The following TMF1 variants were observed in gnomAD, a reference collection of about 807,000 sequenced individuals.
TMF1 encodes the protein TATA element modulatory factor 1.
Under a neutral mutation model 126.5 loss-of-function variants are expected in TMF1, and 71 were observed. The observed-to-expected ratio is 0.56, with a 90% CI of 0.46 to 0.68. The LOEUF (loss-of-function observed/expected upper bound fraction) is 0.68, where lower values mean the gene tolerates loss of function less well. Ranked by LOEUF, TMF1 falls within the 30% of genes least tolerant of loss-of-function variation. The probability of loss-of-function intolerance (pLI) is 0.00; values close to 1 mark genes in which losing one functional copy is unlikely to be tolerated. For synonymous variants in TMF1, 461 were observed against 430.5 expected, an observed-to-expected ratio of 1.07 and a Z score of -0.88; for missense variants, 1,259 against 1,253.2, an observed-to-expected ratio of 1.00 and a Z score of -0.07.
chr3:69,032,204 AG>A (rs2091807024), intron 10 of TMF1, among the ~76,000 whole-genome samples: 1 of 152,204 alleles, frequency 6.6e-6, no homozygotes, highest in African/African-American at 2.4e-5. Context: ...CCATGACAGC[AG>A]CCCCAAAGGT....
chr3:69,023,314 C>A lies in TMF1; in HGVS notation c.3145G>T (p.Asp1049Tyr). Residue 1049 changes from aspartate (D) to tyrosine (Y), a missense_variant, in exon 17 of 17, where the codon GAT becomes TAT. Physicochemically the swap from Asp to Tyr is radical, Grantham distance 160. Transcript: ENST00000398559. ...TGCAGAATAGTGTTGTACCTTTGAT[C>A]CAAATCCTGAAAAATGTATTTGTTT... ...PKLRTQLRDLDQRYNTILQMY... is the reference protein window; with the variant it reads ...PKLRTQLRDLYQRYNTILQMY... 6.2e-7 allele frequency: 1 copy of A among 1,604,086 alleles called. No individual in the cohort carries two copies. Among genetic ancestry groups the A allele is most frequent in the Non-Finnish European group, 8.5e-7 (1 of 1,176,664 alleles).
intron 1 of TMF1, among the ~76,000 whole-genome samples, chr3:69,050,035 G>A (rs1469197310): frequency 1.3e-5 from 2 of 151,856 alleles, no homozygotes; most frequent in Admixed American, 6.6e-5. Flanking sequence ...CGAGGCGGGC[G>A]GACCACCTGA....
Position 69,025,673 on chromosome 3 carries a change from A to T in TMF1, c.2899T>A (p.Ser967Thr). The T allele has an allele frequency of 6.2e-7, 1 of 1,614,034 alleles. No homozygotes were observed. Among genetic ancestry groups the T allele is most frequent in the South Asian group, 1.1e-5 (1 of 91,084 alleles). Residue 967 changes from serine to threonine, a missense_variant, in exon 15 of 17, where the codon TCA becomes ACA. Ser to Thr is a moderately conservative substitution (Grantham distance 58). Transcript: ENST00000398559. ...TCATAAAGATTGCTTCCATTTGCTGATATAGGCATTGGTCCAAATGAGTGA... is the reference window on the plus strand; with the variant it reads ...TCATAAAGATTGCTTCCATTTGCTGTTATAGGCATTGGTCCAAATGAGTGA... ...HDHSFGPMPI[S>T]ANGSNLYDAV...
rs888314549 is a variant in TMF1 at position 69,022,571 on chromosome 3, A to G, written c.*606T>C. ...GGGTGAAATAAATTTTCAGATCAAAATTTTTTTTAAGTTTAAATCATTCAC... is the reference window on the plus strand; with the variant it reads ...GGGTGAAATAAATTTTCAGATCAAAGTTTTTTTTAAGTTTAAATCATTCAC... On this transcript the variant is annotated 3_prime_UTR_variant, in exon 17 of 17. Coordinates refer to ENST00000398559, the MANE Select transcript of TMF1 (RefSeq NM_007114.3). 6.6e-6 allele frequency: 1 copy of G among 152,412 alleles called. No individual in the cohort carries two copies. The highest frequency in any genetic ancestry group is 1.5e-5 in the Non-Finnish European group (1 of 67,920). 9.4% of individuals were successfully genotyped at this position (152,412 alleles called of 1,614,324 possible). A position where few individuals can be genotyped will look rare whatever the true frequency, so the allele number is the denominator to read the frequency against.
chr3:69,038,759 A>G, intron 7 of TMF1, 39 bp from the exon 8 acceptor site: 1 of 1,594,558 alleles, frequency 6.3e-7, no homozygotes, highest in Non-Finnish European at 8.5e-7. Context: ...GTTGCCAGTG[A>G]TCAGATAATA....
chr3:69,033,757 A>G (rs2091817689), intron 9 of TMF1, 53 bp from the exon 10 acceptor site: 2 of 1,456,328 alleles, frequency 1.4e-6, no homozygotes. Flanking sequence ...AAAACATTAA[A>G]AACACTAGCA....
intron 4 of TMF1, among the ~76,000 whole-genome samples, 164 bp from the exon 5 acceptor site, chr3:69,043,076 A>G (rs1363261495): frequency 6.6e-6 from 1 of 152,212 alleles, no homozygotes; most frequent in East Asian, 1.9e-4. Flanking sequence ...AGACTAAGAA[A>G]ACAACTTTGA....
chr3:69,039,513 TAAC>T, intron 6 of TMF1, 35 bp downstream of exon 6: 1 of 1,587,538 alleles, frequency 6.3e-7, no homozygotes, highest in Non-Finnish European at 8.5e-7. Context: ...CAGGAAGTAA[TAAC>T]AATATATATG....
chr3:69,035,513 T>C (rs2091826958), intron 8 of TMF1: 1 of 160,552 alleles, frequency 6.2e-6, no homozygotes, highest in Non-Finnish European at 1.4e-5. Context: ...CATAGCCTTT[T>C]TGGAAAACGT....
rs1168097148 is a variant in TMF1 at position 69,020,691 on chromosome 3, A to G, written c.*2486T>C. 6.6e-6 allele frequency: 1 copy of G among 152,210 alleles called. No individual in the cohort carries two copies. The highest frequency in any genetic ancestry group is 1.9e-4 in the East Asian group (1 of 5,200). The allele number at this position is 152,210 out of a possible 1,614,324, so 9.4% of individuals were successfully genotyped here. On this transcript the variant is annotated 3_prime_UTR_variant, in exon 17 of 17. Coordinates refer to ENST00000398559, the MANE Select transcript of TMF1 (RefSeq NM_007114.3). ...ACTGTTTAAGTTCACTTTAACTTAC[A>G]GAAGTATTGAGAGATCCAAGTGTTT...
intron 13 of TMF1, among the ~76,000 whole-genome samples, chr3:69,027,172 T>G (rs1244971309): frequency 6.6e-6 from 1 of 152,060 alleles, no homozygotes; most frequent in Non-Finnish European, 1.5e-5. Context: ...ATTTTTGTAT[T>G]TTTAGTAGAG....
chr3:69,020,106 T>C lies in TMF1; in HGVS notation c.*3071A>G, dbSNP rs1201822957. On this transcript the variant is annotated 3_prime_UTR_variant, in exon 17 of 17. Coordinates refer to ENST00000398559, the MANE Select transcript of TMF1 (RefSeq NM_007114.3). ...ATCTACAGTTTTCTTTTTTCTTCTA[T>C]TTTCTAAATATTATAAATCATATAC... 4 of 152,108 alleles carry C rather than the reference T, an allele frequency of 2.6e-5. No homozygotes were observed. In the East Asian group the frequency reaches 7.7e-4, roughly 29 times the overall value. 9.4% of individuals were successfully genotyped at this position (152,108 alleles called of 1,614,324 possible).
chr3:69,052,102 G>T lies in TMF1; in HGVS notation c.-16C>A, dbSNP rs775755274. The stretch of plus-strand genomic sequence containing the variant: ...ACCAACTCATCGCCCCTCCTCAGCC[G>T]GCAGTGGCGGCGGCAGCACCAAGCG... On this transcript the variant is annotated 5_prime_UTR_variant, in exon 1 of 17. Transcript: ENST00000398559. 6.2e-7 allele frequency: 1 copy of T among 1,601,860 alleles called. No homozygotes were observed. Among genetic ancestry groups the T allele is most frequent in the Non-Finnish European group, 8.5e-7 (1 of 1,175,292 alleles).
chr3:69,039,870 T>C (rs898954400), intron 5 of TMF1, among the ~76,000 whole-genome samples, 177 bp from the exon 6 acceptor site: 1 of 152,170 alleles, frequency 6.6e-6, no homozygotes, highest in Non-Finnish European at 1.5e-5. Flanking sequence ...AATTATTGGG[T>C]AAAAGGTTGT....
In TMF1 at chr3:69,047,544, G is replaced by A. The variant is rs1559635586; in HGVS notation, c.1161C>T (p.Pro387=). 1.2e-6 allele frequency: 2 copies of A among 1,614,066 alleles called. No individual in the cohort carries two copies. Among genetic ancestry groups the A allele is most frequent in the East Asian group, 2.2e-5 (1 of 44,882 alleles). Residue 387 remains proline, a synonymous_variant, in exon 2 of 17, where the codon CCC becomes CCT. Coordinates refer to ENST00000398559, the MANE Select transcript of TMF1 (RefSeq NM_007114.3). ...SEEVNETLVI[P]TEEAEMEESG... is the part of the protein sequence containing the mutation. ...TTTCTTCCATTTCTGCTTCCTCAGT[G>A]GGTATAACTAATGTTTCATTTACTT...
At chr3:69,039,828 T>A in intron 5 of TMF1, 135 bp from the exon 6 acceptor site, 1 of 918,700 alleles carries the variant, frequency 1.1e-6, no homozygotes, top group Non-Finnish European at 1.6e-6. Context: ...ATGTTACAAC[T>A]AATTTGGACA....
intron 9 of TMF1, 105 bp downstream of exon 9, chr3:69,034,918 C>A: frequency 9.7e-7 from 1 of 1,028,582 alleles, no homozygotes; most frequent in African/African-American, 1.6e-5. Flanking sequence ...CTAGGTGTGA[C>A]AGTAATCCTC....
rs1361774635 is a variant in TMF1 at position 69,026,245 on chromosome 3, A to G, written c.2758-148T>C. 4 of 531,332 alleles carry G rather than the reference A, an allele frequency of 7.5e-6. No homozygotes were observed. The East Asian group carries it at 1.3e-4, about 17-fold the overall frequency. The allele number at this position is 531,332 out of a possible 1,614,324, so 32.9% of individuals were successfully genotyped here. On this transcript the variant is annotated intron_variant, in intron 13 of 16. Coordinates refer to ENST00000398559, the MANE Select transcript of TMF1 (RefSeq NM_007114.3). ...GGAATTCAATACAATCAAAAGAAGAAAAAAAACTTTTTTAAGATTCATTCT... is the reference window on the plus strand; with the variant it reads ...GGAATTCAATACAATCAAAAGAAGAGAAAAAACTTTTTTAAGATTCATTCT...
At chr3:69,051,605 G>C (rs2107473061) in intron 1 of TMF1, among the ~76,000 whole-genome samples, 1 of 152,290 alleles carries the variant, frequency 6.6e-6, no homozygotes, top group South Asian at 2.1e-4. Context: ...GAGACGCGAA[G>C]CAATTCGAGG....
Sources: gnomAD v4.1 joint callset for allele counts (sites outside exome capture counted in the v4.1 genomes callset) on GRCh38, gnomAD v4.1.1 for gene constraint, MANE v1.5 for transcripts, NCBI Gene and HGNC (gene_info 2026-07-23, HGNC 2026-07-21) for gene names.